Variants in MTAP observed in about 807,000 individuals in gnomAD.
MTAP encodes S-methyl-5'-thioadenosine phosphorylase.
A neutral mutation model predicts 33.6 loss-of-function variants in MTAP; 33 were observed. The ratio of observed to expected loss-of-function variants is 0.98; its 90% CI spans 0.74 to 1.31. MTAP has a LOEUF of 1.31. MTAP is among the 40% of genes most tolerant of loss of function. MTAP has a pLI of 0.00. For missense variants in MTAP, 367 were observed against 360.0 expected, an observed-to-expected ratio of 1.02 and a Z score of -0.16; for synonymous variants, 148 against 125.7, an observed-to-expected ratio of 1.18 and a Z score of -1.19.
At chr9:21,849,452 A>G (rs1042547956) in intron 5 of MTAP, among the ~76,000 whole-genome samples, 1 of 152,156 alleles carries the variant, frequency 6.6e-6, no homozygotes, top group East Asian at 1.9e-4. Flanking sequence ...AGTGGGTCTT[A>G]TGGGTGCCTG....
At chr9:21,817,412 G>T (rs1824510107) in intron 3 of MTAP, among the ~76,000 whole-genome samples, 2 of 151,904 alleles carry the variant, frequency 1.3e-5, no homozygotes, top group South Asian at 4.1e-4. Flanking sequence ...GGCCCCACAA[G>T]GCATATTCAA....
chr9:21,891,405 A>G (rs934391521), intron 1 of MTAP, among the ~76,000 whole-genome samples: 4 of 152,200 alleles, frequency 2.6e-5, no homozygotes, highest in Non-Finnish European at 4.4e-5. Context: ...CAGTAAAATG[A>G]TACAAGAGCT....
chr9:21,901,706 G>T (rs1243660462), intron 1 of MTAP, among the ~76,000 whole-genome samples: 1 of 152,174 alleles, frequency 6.6e-6, no homozygotes, highest in Admixed American at 6.5e-5. Flanking sequence ...AGTCTCAGGG[G>T]TTTGCCACAA....
At chr9:21,894,226 A>C (rs77155878) in intron 1 of MTAP, among the ~76,000 whole-genome samples, 2 of 148,706 alleles carry the variant, frequency 1.3e-5, no homozygotes, top group African/African-American at 2.4e-5. Context: ...AAAAAAAAAA[A>C]AAAACTAGGT....
Position 21,814,931 on chromosome 9 carries a change from A to G in MTAP, c.34-502A>G, listed in dbSNP as rs150888547. Among the ~76,000 whole-genome samples the G allele has an allele frequency of 9.8e-3, 1,492 of 152,336 alleles. 12 individuals are homozygous for G. Among genetic ancestry groups the G allele is most frequent in the Non-Finnish European group, 0.015 (1,010 of 68,028 alleles). On this transcript the variant is annotated intron_variant, in intron 1 of 7. Coordinates refer to ENST00000644715, the MANE Select transcript of MTAP (RefSeq NM_002451.4). ...CTGTGATTCTAATGGCGTGGGAAAG[A>G]TAATCTCTCATTTCTTTATCAAATA...
downstream of MTAP, among the ~76,000 whole-genome samples, chr9:21,938,884 T>C (rs772296544): frequency 4.0e-5 from 6 of 151,250 alleles, no homozygotes; most frequent in African/African-American, 7.4e-5. Flanking sequence ...CAGGACTCTA[T>C]TGGAAAAACT....
At chr9:21,870,671 A>G (rs1250061657), downstream of MTAP, among the ~76,000 whole-genome samples, 2 of 151,864 alleles carry the variant, frequency 1.3e-5, no homozygotes, top group Non-Finnish European at 2.9e-5. Context: ...TGTTATGGAG[A>G]TGTAACATTT....
chr9:21,933,803 A>G (rs1819000578), downstream of MTAP: 1 of 152,206 alleles, frequency 6.6e-6, no homozygotes, highest in African/African-American at 2.4e-5. Context: ...CTGTGTATGC[A>G]TGTATGTGTA....
At chr9:21,837,554 C>T (rs1825141074) in intron 4 of MTAP, among the ~76,000 whole-genome samples, 1 of 152,080 alleles carries the variant, frequency 6.6e-6, no homozygotes, top group Admixed American at 6.6e-5. Context: ...TATGATTTTC[C>T]ACGTCTGTGA....
intron 4 of MTAP, among the ~76,000 whole-genome samples, chr9:21,823,323 C>T (rs920519081): frequency 6.6e-6 from 1 of 152,150 alleles, no homozygotes; most frequent in African/African-American, 2.4e-5. Flanking sequence ...TGACAAAATC[C>T]TCAGCATTTG....
chr9:21,867,213 A>G (rs1306024242), downstream of MTAP: 2 of 152,122 alleles, frequency 1.3e-5, no homozygotes, highest in Non-Finnish European at 2.9e-5. Context: ...CCTTCAACCT[A>G]ATGTTGAATA....
intron 7 of MTAP, chr9:21,861,122 T>G (rs1825744087): frequency 1.3e-5 from 2 of 152,192 alleles, no homozygotes; most frequent in Admixed American, 1.3e-4. Context: ...TTCAAAAGCT[T>G]GAAGTTAATT....
At chr9:21,894,779 A>T (rs1331214562) in intron 1 of MTAP, among the ~76,000 whole-genome samples, 1 of 151,770 alleles carries the variant, frequency 6.6e-6, no homozygotes, top group Non-Finnish European at 1.5e-5. Flanking sequence ...AAAACTCCAT[A>T]GTGTCTGTCC....
intron 1 of MTAP, among the ~76,000 whole-genome samples, chr9:21,919,710 G>A (rs1457985310): frequency 6.6e-6 from 1 of 152,328 alleles, no homozygotes; most frequent in African/African-American, 2.4e-5. Flanking sequence ...CACTGACAAG[G>A]TGATAGAATC....
intron 1 of MTAP, among the ~76,000 whole-genome samples, chr9:21,903,325 T>A (rs114865507): frequency 0.035 from 5,367 of 152,190 alleles, 232 homozygotes; most frequent in African/African-American, 0.1. Context: ...GATTTTTTTT[T>A]AAAAATCTTC....
chr9:21,879,268 G>A (rs941828182), intron 1 of MTAP, among the ~76,000 whole-genome samples: 2 of 151,948 alleles, frequency 1.3e-5, no homozygotes, highest in Non-Finnish European at 2.9e-5. Flanking sequence ...AGTATATTTA[G>A]GCTTCTTGTT....
chr9:21,814,792 T>C (rs1824436702), intron 1 of MTAP, among the ~76,000 whole-genome samples: 1 of 152,260 alleles, frequency 6.6e-6, no homozygotes, highest in Admixed American at 6.5e-5. Context: ...TATGTATATT[T>C]ACAACATGTA....
intron 1 of MTAP, among the ~76,000 whole-genome samples, chr9:21,805,516 G>A (rs996698904): frequency 2.0e-5 from 3 of 152,172 alleles, no homozygotes; most frequent in Non-Finnish European, 4.4e-5. Context: ...AAGACTCCTA[G>A]GGAGGTGGAT....
intron 4 of MTAP, among the ~76,000 whole-genome samples, chr9:21,826,627 A>ATT (rs1187664200): frequency 9.1e-6 from 1 of 110,040 alleles, no homozygotes; most frequent in Non-Finnish European, 1.8e-5. Context: ...TATTATTATT[A>ATT]TTATTATTAT....
Sources: allele counts gnomAD v4.1 joint callset (sites outside exome capture counted in the v4.1 genomes callset), GRCh38; gene constraint gnomAD v4.1.1; transcripts MANE v1.5; gene names NCBI Gene and HGNC (gene_info 2026-07-23, HGNC 2026-07-21).